The following COL22A1 variants were observed in gnomAD, a reference collection of about 807,000 sequenced individuals.
COL22A1 encodes collagen type XXII alpha 1 chain.
Under a neutral mutation model 248.9 loss-of-function variants are expected in COL22A1, and 221 were observed. The ratio of observed to expected loss-of-function variants is 0.89; its 90% confidence interval spans 0.80 to 0.99. The LOEUF (loss-of-function observed/expected upper bound fraction) is 0.99, where lower values mean the gene tolerates loss of function less well. COL22A1 is among the 50% of genes least tolerant of loss of function. COL22A1 has a pLI of 0.00. For missense variants in COL22A1, 2,240 were observed against 2,179.0 expected, an observed-to-expected ratio of 1.03 and a Z score of -0.56; for synonymous variants, 891 against 793.4, an observed-to-expected ratio of 1.12 and a Z score of -2.07.
chr8:138,614,068 T>C lies in COL22A1; in HGVS notation c.3925-148A>G, dbSNP rs1819119757. ...ATGTTTCATCATTAATTGTCCATTA[T>C]TCCAAATATGGACAAACTCCCTTCC... On this transcript the variant is annotated intron_variant, in intron 55 of 64. Coordinates refer to ENST00000303045, the MANE Select transcript of COL22A1 (RefSeq NM_152888.3). The C allele has an allele frequency of 1.0e-5, 7 of 690,636 alleles. No individual in the cohort carries two copies. In the South Asian group the frequency reaches 1.2e-4, roughly 12 times the overall value. 42.8% of individuals were successfully genotyped at this position (690,636 alleles called of 1,614,324 possible).
At chr8:138,804,863 T>G (rs1461940898) in intron 10 of COL22A1, among the ~76,000 whole-genome samples, 1 of 145,984 alleles carries the variant, frequency 6.9e-6, no homozygotes, top group African/African-American at 2.6e-5. Flanking sequence ...TATGTGATGG[T>G]GTGTGTGTAT....
chr8:138,741,050 G>A (rs1432024893), intron 22 of COL22A1, among the ~76,000 whole-genome samples: 1 of 152,154 alleles, frequency 6.6e-6, no homozygotes, highest in Non-Finnish European at 1.5e-5. Flanking sequence ...GGTGTCCAGG[G>A]TTCACACCAT....
intron 11 of COL22A1, among the ~76,000 whole-genome samples, chr8:138,800,190 C>T (rs1351009823): frequency 6.6e-6 from 1 of 152,190 alleles, no homozygotes; most frequent in Admixed American, 6.5e-5. Context: ...TCTCAGCTTG[C>T]ATCCTTCACT....
chr8:138,765,860 G>A (rs547272764), intron 16 of COL22A1, among the ~76,000 whole-genome samples: 63 of 152,344 alleles, frequency 4.1e-4, no homozygotes, highest in African/African-American at 1.4e-3. Context: ...CAGCAGAGAG[G>A]AGCCACCAGG....
chr8:138,678,309 G>GTC (rs1315308217), intron 40 of COL22A1, among the ~76,000 whole-genome samples: 1 of 152,058 alleles, frequency 6.6e-6, no homozygotes, highest in Non-Finnish European at 1.5e-5. Flanking sequence ...CTCTCACTAG[G>GTC]TCTCCTTGAC....
intron 30 of COL22A1, among the ~76,000 whole-genome samples, chr8:138,704,523 T>C (rs1828245185): frequency 1.3e-5 from 2 of 151,600 alleles, no homozygotes; most frequent in Admixed American, 1.3e-4. Flanking sequence ...GCGTCTGGAG[T>C]GGACCTCCAG....
chr8:138,690,565 A>G (rs1826760508), intron 36 of COL22A1, among the ~76,000 whole-genome samples: 1 of 152,172 alleles, frequency 6.6e-6, no homozygotes, highest in Non-Finnish European at 1.5e-5. Flanking sequence ...TGTTGATTCC[A>G]ACACCAGTGA....
At position 138,636,779 on chromosome 8, in the gene COL22A1, C is replaced by G; in HGVS notation, c.3518G>C (p.Arg1173Pro). The G allele has an allele frequency of 6.2e-7, 1 of 1,613,432 alleles. No individual in the cohort carries two copies. The highest frequency in any genetic ancestry group is 8.5e-7 in the Non-Finnish European group (1 of 1,179,530). The change falls in exon 48 of 65, where the codon CGT becomes CCT. Residue 1173 changes from arginine to proline, a missense_variant. Coordinates refer to ENST00000303045, the MANE Select transcript of COL22A1 (RefSeq NM_152888.3). ...CTGCCCAACCTCACCATCTGCACCA[C>G]GTTCTCCTTGACTTCCCTTGAAAGG... ...IAGPQGSQGE[R>P]GADGEVGQKG...
At chr8:138,871,816 T>G (rs929720512) in intron 3 of COL22A1, among the ~76,000 whole-genome samples, 1 of 152,212 alleles carries the variant, frequency 6.6e-6, no homozygotes, top group Non-Finnish European at 1.5e-5. Flanking sequence ...TTACTAAAAG[T>G]GTTTTGCACT....
At chr8:138,643,215 TAC>T (rs1821877009) in intron 47 of COL22A1, among the ~76,000 whole-genome samples, 1 of 152,214 alleles carries the variant, frequency 6.6e-6, no homozygotes, top group African/African-American at 2.4e-5. Context: ...TTGAAGATGC[TAC>T]ACTTTCCTGA....
rs547989367 is a variant in COL22A1, at chr8:138,688,811, G to A, written c.2862+106C>T. On this transcript the variant is annotated intron_variant, in intron 37 of 64. Transcript: ENST00000303045. ...CCCTCCTACTTAGTAAACCCCTTCT[G>A]ATTGCTGGTTCCTAAACCAGGCCCG... The A allele has an allele frequency of 9.8e-5, 88 of 896,278 alleles. No individual in the cohort carries two copies. The Middle Eastern group carries it at 1.1e-3, about 11-fold the overall frequency. 55.5% of individuals were successfully genotyped at this position (896,278 alleles called of 1,614,324 possible).
At chr8:138,647,091 C>T (rs1822267334) in intron 46 of COL22A1, among the ~76,000 whole-genome samples, 1 of 152,148 alleles carries the variant, frequency 6.6e-6, no homozygotes, top group Admixed American at 6.6e-5. Flanking sequence ...CTACCATCCC[C>T]CGCCCCCCAC....
chr8:138,790,496 C>A (rs1030709826), intron 12 of COL22A1, among the ~76,000 whole-genome samples: 1 of 152,192 alleles, frequency 6.6e-6, no homozygotes, highest in African/African-American at 2.4e-5. Flanking sequence ...AGAGAGGCTC[C>A]AGGAAGAAAA....
chr8:138,700,295 C>T (rs750975987), intron 31 of COL22A1, 151 bp from the exon 32 acceptor site: 35 of 742,398 alleles, frequency 4.7e-5, no homozygotes, highest in Admixed American at 4.1e-4. Flanking sequence ...AGATTCACAT[C>T]TTTCTTTAAA....
At chr8:138,892,269 GC>G (rs1370188131) in intron 1 of COL22A1, among the ~76,000 whole-genome samples, 1 of 152,218 alleles carries the variant, frequency 6.6e-6, no homozygotes, top group African/African-American at 2.4e-5. Flanking sequence ...GAGTGAGGAA[GC>G]CCTGGTATGG....
chr8:138,689,741 G>C (rs572218299), intron 36 of COL22A1, among the ~76,000 whole-genome samples: 1 of 152,218 alleles, frequency 6.6e-6, no homozygotes, highest in African/African-American at 2.4e-5. Context: ...AATAAATAAA[G>C]CAGGGGAGAA....
At chr8:138,657,402 G>A (rs537139041) in intron 44 of COL22A1, among the ~76,000 whole-genome samples, 2 of 152,330 alleles carry the variant, frequency 1.3e-5, no homozygotes, top group Non-Finnish European at 2.9e-5. Flanking sequence ...TATTACTAGG[G>A]ATATTCTTAC....
chr8:138,618,255 G>A (rs555466224), intron 53 of COL22A1, among the ~76,000 whole-genome samples: 5 of 152,294 alleles, frequency 3.3e-5, no homozygotes, highest in African/African-American at 1.2e-4. Flanking sequence ...CAAAGTAAAG[G>A]CTGAATCCAG....
At chr8:138,599,560 AT>A (rs893722518) in intron 60 of COL22A1, among the ~76,000 whole-genome samples, 23 of 152,098 alleles carry the variant, frequency 1.5e-4, no homozygotes, top group Non-Finnish European at 3.1e-4. Flanking sequence ...CATTAGCAAA[AT>A]TTTTTTTAAA....
Sources: allele counts gnomAD v4.1 joint callset (sites outside exome capture counted in the v4.1 genomes callset), GRCh38; gene constraint gnomAD v4.1.1; transcripts MANE v1.5; gene names NCBI Gene and HGNC (gene_info 2026-07-23, HGNC 2026-07-21).